The following STK3 variants were observed in gnomAD, a reference collection of about 807,000 sequenced individuals.
STK3 encodes the protein serine/threonine-protein kinase 3.
A neutral mutation model predicts 58.0 loss-of-function variants in STK3; 41 were observed. The ratio of observed to expected loss-of-function variants is 0.71; its 90% confidence interval spans 0.55 to 0.92. The LOEUF is 0.92. STK3 is among the 40% of genes least tolerant of loss of function. The probability of loss-of-function intolerance (pLI) is 0.00; values close to 1 mark genes in which losing one functional copy is unlikely to be tolerated. For synonymous variants in STK3, 170 were observed against 191.0 expected (o/e 0.89, Z 0.91); for missense variants, 479 against 602.7 (o/e 0.79, Z 2.15).
At chr8:98,612,746 A>G (rs1158873172) in intron 6 of STK3, among the ~76,000 whole-genome samples, 1 of 152,182 alleles carries the variant, frequency 6.6e-6, no homozygotes, top group East Asian at 1.9e-4. Flanking sequence ...CAAACACCAC[A>G]GAAAAAACTG....
chr8:98,595,993 T>C lies in STK3; in HGVS notation c.822+39A>G, dbSNP rs528356388. 21 of 1,594,442 alleles carry C rather than the reference T, an allele frequency of 1.3e-5. No individual in the cohort carries two copies. The Admixed American group carries it at 2.9e-4, about 22-fold the overall frequency. ...GCCAATGTCAGAAAGCTGAAAGGTA[T>C]GAAGAAAATATCCTTCCCTTCGAGG... On this transcript the variant is annotated intron_variant, in intron 7 of 10. Transcript: ENST00000419617.
chr8:98,644,963 C>G (rs989438565), intron 6 of STK3, among the ~76,000 whole-genome samples: 1 of 152,178 alleles, frequency 6.6e-6, no homozygotes, highest in Non-Finnish European at 1.5e-5. Context: ...GTCCACATTA[C>G]AGGGGGACCT....
At chr8:98,653,311 T>A (rs1341147909) in intron 6 of STK3, among the ~76,000 whole-genome samples, 1 of 152,136 alleles carries the variant, frequency 6.6e-6, no homozygotes, top group Non-Finnish European at 1.5e-5. Flanking sequence ...CATACCAGAT[T>A]CTTTGGGACA....
chr8:98,650,128 C>T (rs1251528472), intron 6 of STK3, among the ~76,000 whole-genome samples: 1 of 152,138 alleles, frequency 6.6e-6, no homozygotes, highest in Non-Finnish European at 1.5e-5. Flanking sequence ...TTTACTGGTA[C>T]CTTTTGGATA....
downstream of STK3, among the ~76,000 whole-genome samples, chr8:98,399,669 C>T (rs75936637): frequency 6.6e-6 from 1 of 152,138 alleles, no homozygotes; most frequent in Non-Finnish European, 1.5e-5. Flanking sequence ...TCAAGAAGAT[C>T]AAAGGGGTGA....
At chr8:98,418,773 T>C (rs891966865) in intron 3 of STK3, among the ~76,000 whole-genome samples, 1 of 152,088 alleles carries the variant, frequency 6.6e-6, no homozygotes, top group Non-Finnish European at 1.5e-5. Context: ...TTCCACTCCA[T>C]ATCTAGGTGA....
rs146238846 is a variant in STK3 at position 98,383,772 on chromosome 8, A to G, written n.56+4420T>C. Among the ~76,000 whole-genome samples, 4 of 152,334 alleles carry G rather than the reference A, an allele frequency of 2.6e-5. No homozygotes were observed. In the East Asian group the frequency reaches 7.7e-4, roughly 29 times the overall value. ...AGTGAATGTTTTTTGCTTTAAAGTA[A>G]AACCAACCTTACTTCTAGGAACATC... is the stretch of plus-strand genomic sequence containing the variant. On this transcript the variant is annotated intron_variant and non_coding_transcript_variant, in intron 1 of 2. Coordinates refer to the STK3 transcript ENST00000518704.
chr8:98,388,354 G>A (rs958208639), upstream of STK3: 1 of 152,190 alleles, frequency 6.6e-6, no homozygotes, highest in Non-Finnish European at 1.5e-5. Context: ...ACCCTTAGGT[G>A]AATAACTGAT....
intron 9 of STK3, among the ~76,000 whole-genome samples, chr8:98,541,244 G>A (rs1810238601): frequency 1.3e-5 from 2 of 152,136 alleles, no homozygotes; most frequent in Admixed American, 6.5e-5. Flanking sequence ...TGCTGGAGGG[G>A]GGACTGGTGG....
chr8:98,572,054 G>C (rs115811679), intron 8 of STK3, among the ~76,000 whole-genome samples: 1 of 152,038 alleles, frequency 6.6e-6, no homozygotes, highest in Non-Finnish European at 1.5e-5. Flanking sequence ...TATTTGCTTT[G>C]CTGTTTTACT....
chr8:98,415,005 T>G (rs1243630498), intron 3 of STK3, among the ~76,000 whole-genome samples: 2 of 152,204 alleles, frequency 1.3e-5, no homozygotes, highest in African/African-American at 4.8e-5. Context: ...ATGATCAATG[T>G]GATAAACAGG....
intron 6 of STK3, among the ~76,000 whole-genome samples, chr8:98,600,343 T>C (rs922112246): frequency 3.3e-5 from 5 of 152,234 alleles, no homozygotes; most frequent in Non-Finnish European, 7.3e-5. Flanking sequence ...TCTGTTCCCA[T>C]ATCTTAATAT....
chr8:98,765,679 A>G (rs1830900296), intron 3 of STK3, among the ~76,000 whole-genome samples: 1 of 152,234 alleles, frequency 6.6e-6, no homozygotes, highest in East Asian at 1.9e-4. Context: ...TGTTGTAGCC[A>G]TGAGATAATA....
chr8:98,350,302 C>T, the STK3 span, among the ~76,000 whole-genome samples: 1 of 152,172 alleles, frequency 6.6e-6, no homozygotes, highest in Non-Finnish European at 1.5e-5. Context: ...AGTTCCTTAT[C>T]TCCATCTGAG....
intron 10 of STK3, among the ~76,000 whole-genome samples, chr8:98,509,901 C>A (rs1824371535): frequency 6.6e-6 from 1 of 151,928 alleles, no homozygotes; most frequent in African/African-American, 2.4e-5. Flanking sequence ...AGTATAATAT[C>A]TAATGCTTAT....
intron 6 of STK3, among the ~76,000 whole-genome samples, chr8:98,684,285 T>C (rs1050196560): frequency 6.6e-6 from 1 of 152,150 alleles, no homozygotes; most frequent in South Asian, 2.1e-4. Context: ...CAATCTCCCC[T>C]GGCTAGCAAT....
chr8:98,591,742 T>C (rs533357333), intron 7 of STK3, among the ~76,000 whole-genome samples: 89 of 152,300 alleles, frequency 5.8e-4, no homozygotes, highest in Middle Eastern at 6.8e-3. Flanking sequence ...TGACAATGAA[T>C]TGCATAAAAG....
chr8:98,849,147 A>G (rs1836332951), intron 3 of STK3, among the ~76,000 whole-genome samples: 1 of 150,218 alleles, frequency 6.7e-6, no homozygotes, highest in Admixed American at 6.7e-5. Context: ...AATGGCGTGA[A>G]CCCAAGAGGC....
intron 6 of STK3, among the ~76,000 whole-genome samples, chr8:98,662,149 C>T (rs1822014535): frequency 6.6e-6 from 1 of 151,992 alleles, no homozygotes; most frequent in African/African-American, 2.4e-5. Flanking sequence ...TTGAGAGACC[C>T]ATGGAGAAGC....
Sources: gnomAD v4.1 joint callset for allele counts (sites outside exome capture counted in the v4.1 genomes callset) on GRCh38, gnomAD v4.1.1 for gene constraint, MANE v1.5 for transcripts, NCBI Gene and HGNC (gene_info 2026-07-23, HGNC 2026-07-21) for gene names.